The following HEMK1 variants were observed in gnomAD, a reference collection of about 807,000 sequenced individuals.
HEMK1 encodes MTRF1L release factor glutamine methyltransferase.
In HEMK1, 36 loss-of-function variants were observed where a neutral mutation model predicts 47.9. The observed-to-expected ratio is 0.75, with a 90% CI of 0.58 to 0.99. HEMK1 has a LOEUF of 0.99. Ranked by LOEUF, HEMK1 falls within the 50% of genes least tolerant of loss-of-function variation. The pLI is 0.00. For missense variants in HEMK1, 383 were observed against 434.5 expected (o/e 0.88, Z 1.05); for synonymous variants, 153 against 165.4 (o/e 0.93, Z 0.57).
rs574185453 is a variant in HEMK1 at position 50,577,447 on chromosome 3, C to T, written c.550-62C>T. 67 of 1,512,076 alleles carry T rather than the reference C, an allele frequency of 4.4e-5. No homozygotes were observed. The East Asian group carries it at 1.5e-3, about 33-fold the overall frequency. The allele number at this position is 1,512,076 out of a possible 1,614,324, so 93.7% of individuals were successfully genotyped here. A position where few individuals can be genotyped will look rare whatever the true frequency, so the allele number is the denominator to read the frequency against. On this transcript the variant is annotated intron_variant, in intron 5 of 10. Coordinates refer to ENST00000232854, the MANE Select transcript of HEMK1 (RefSeq NM_016173.5). ...GGGTTGGAGGAGGGTCCCCCAGGCC[C>T]AGTATCTTCCAGCATCTCTCAGCAT...
chr3:50,580,337 C>T (rs1445553278), intron 10 of HEMK1, 44 bp from the exon 11 acceptor site: 1 of 1,613,324 alleles, frequency 6.2e-7, no homozygotes, highest in African/African-American at 1.3e-5. Flanking sequence ...CTGTTCATTC[C>T]CTGAGGCCCA....
Position 50,592,614 on chromosome 3 carries a change from G to A in HEMK1, c.*12197G>A, listed in dbSNP as rs992885225. ...CCAAAAATTGACCCCTAGAGCCTGA[G>A]ACTCTGGATGGAGGATCTTCGTAGC... On this transcript the variant is annotated 3_prime_UTR_variant, in exon 11 of 11. Coordinates refer to ENST00000232854, the MANE Select transcript of HEMK1 (RefSeq NM_016173.5). 4 of 152,212 alleles carry A rather than the reference G, an allele frequency of 2.6e-5. No homozygotes were observed. The highest frequency in any genetic ancestry group is 4.4e-5 in the Non-Finnish European group (3 of 68,074). 9.4% of individuals were successfully genotyped at this position (152,212 alleles called of 1,614,324 possible).
At chr3:50,574,254 G>A (rs571108718) in intron 4 of HEMK1, among the ~76,000 whole-genome samples, 7 of 152,322 alleles carry the variant, frequency 4.6e-5, no homozygotes, top group East Asian at 1.9e-4. Context: ...TAGTCTTGCC[G>A]AAAGAGCCAC....
At chr3:50,570,728 A>T (rs1019377581) in intron 1 of HEMK1, 2 of 173,956 alleles carry the variant, frequency 1.1e-5, no homozygotes, top group African/African-American at 4.7e-5. Flanking sequence ...GCAGAGACTG[A>T]GCTATGGGCT....
Position 50,589,085 on chromosome 3 carries a change from C to T in HEMK1, c.*8668C>T, listed in dbSNP as rs1018826936. On this transcript the variant is annotated 3_prime_UTR_variant, in exon 11 of 11. Transcript: ENST00000232854. ...CAAGTGCAAATTCTTTCTTAGCATA[C>T]AGTCCATCAGGGCGAAGAGCAATGA... is the stretch of plus-strand genomic sequence containing the variant. 4.6e-5 allele frequency: 7 copies of T among 152,366 alleles called. No homozygotes were observed. The highest frequency in any genetic ancestry group is 2.6e-4 in the Admixed American group (4 of 15,306). The allele number at this position is 152,366 out of a possible 1,614,324, so 9.4% of individuals were successfully genotyped here.
rs1275985868 is a variant in HEMK1 at position 50,577,592 on chromosome 3, C to T, written c.614+19C>T. ...CTCAGAGGTAGGTGGGGGAGTTGCA[C>T]TTTGGGGCCTAATCTTGACTCCTTT... On this transcript the variant is annotated intron_variant, in intron 6 of 10. Coordinates refer to ENST00000232854, the MANE Select transcript of HEMK1 (RefSeq NM_016173.5). The T allele has an allele frequency of 6.2e-7, 1 of 1,609,072 alleles. No homozygotes were observed. The highest frequency in any genetic ancestry group is 1.1e-5 in the South Asian group (1 of 90,962).
rs1229851993 is a variant in HEMK1, at chr3:50,584,629, TCTC to T, written c.*4216_*4218del. ...GAGCCGAGGAATGCAGACAGCCTCTTCTCCTCTGGGGCCTCAAGAAGAATGCAG... is the reference window on the plus strand; with the variant it reads ...GAGCCGAGGAATGCAGACAGCCTCTTCTCTGGGGCCTCAAGAAGAATGCAG... On this transcript the variant is annotated 3_prime_UTR_variant, in exon 11 of 11. Coordinates refer to ENST00000232854, the MANE Select transcript of HEMK1 (RefSeq NM_016173.5). 1 of 152,114 alleles carries T rather than the reference TCTC, an allele frequency of 6.6e-6. No homozygotes were observed. Among genetic ancestry groups the T allele is most frequent in the Non-Finnish European group, 1.5e-5 (1 of 68,024 alleles). The allele number at this position is 152,114 out of a possible 1,614,324, so 9.4% of individuals were successfully genotyped here.
In HEMK1 at chr3:50,577,163, A is replaced by G. The variant is rs1701677111; in HGVS notation, c.526A>G (p.Ser176Gly). The change falls in exon 5 of 11, where the codon AGC becomes GGC. Residue 176 changes from serine (S) to glycine (G), a missense_variant. Transcript: ENST00000232854. ...CTGCGGATCAGGAGCCATCTCCCTC[A>G]GCCTGCTGAGCCAGCTCCCCCAGGT... The part of the protein sequence containing the change: ...VGCGSGAISL[S>G]LLSQLPQSRV... 2 of 1,611,164 alleles carry G rather than the reference A, an allele frequency of 1.2e-6. No individual in the cohort carries two copies. The highest frequency in any genetic ancestry group is 1.7e-6 in the Non-Finnish European group (2 of 1,179,274).
In HEMK1 at chr3:50,593,359, CAG is replaced by C. The variant is rs1246489618; in HGVS notation, c.*12943_*12944del. ...TAGGACCCTGACTGTGCACCTGACT[CAG>C]GGGCCCCGGAGAAGATTTGGTGGGC... On this transcript the variant is annotated 3_prime_UTR_variant, in exon 11 of 11. Transcript: ENST00000232854. 6.6e-6 allele frequency: 1 copy of C among 152,288 alleles called. No individual in the cohort carries two copies. The highest frequency in any genetic ancestry group is 2.1e-4 in the South Asian group (1 of 4,824). The allele number at this position is 152,288 out of a possible 1,614,324, so 9.4% of individuals were successfully genotyped here.
chr3:50,570,367 C>T (rs4450808), intron 1 of HEMK1: 145,983 of 152,322 alleles, frequency 0.96, 70,275 homozygotes, highest in Middle Eastern at 1. Context: ...GCTGATGTCC[C>T]GGATTATAGG....
chr3:50,577,709 G>A, intron 6 of HEMK1, 117 bp from the exon 7 acceptor site: 3 of 1,343,722 alleles, frequency 2.2e-6, no homozygotes, highest in Non-Finnish European at 3.2e-6. Flanking sequence ...GGTTCTGAAT[G>A]GGTAGTGGGC....
chr3:50,572,379 G>A (rs1169829000), intron 4 of HEMK1, among the ~76,000 whole-genome samples, 171 bp downstream of exon 4: 1 of 152,174 alleles, frequency 6.6e-6, no homozygotes, highest in African/African-American at 2.4e-5. Context: ...GAGGACAGAG[G>A]ATTCCTGTTG....
intron 8 of HEMK1, 97 bp from the exon 9 acceptor site, chr3:50,579,747 T>TG: frequency 8.0e-6 from 7 of 873,514 alleles, no homozygotes; most frequent in Non-Finnish European, 9.1e-6. Flanking sequence ...GAGTGTAAGT[T>TG]CCACAGGGCC....
chr3:50,578,721 A>G, intron 7 of HEMK1, 100 bp from the exon 8 acceptor site: 1 of 761,402 alleles, frequency 1.3e-6, no homozygotes, highest in Non-Finnish European at 2.2e-6. Context: ...GGCAGGCCCA[A>G]GGTGTGGCAT....
intron 4 of HEMK1, among the ~76,000 whole-genome samples, chr3:50,574,441 T>C (rs950193872): frequency 6.6e-6 from 1 of 152,208 alleles, no homozygotes. Flanking sequence ...GTTTCTTAGC[T>C]TCTTACCCTC....
chr3:50,573,609 C>A (rs936127184), intron 4 of HEMK1, among the ~76,000 whole-genome samples: 1 of 151,576 alleles, frequency 6.6e-6, no homozygotes, highest in Admixed American at 6.6e-5. Flanking sequence ...GGAGATGCTG[C>A]GATTGGGAGG....
rs549162120 is a variant in HEMK1 at position 50,585,738 on chromosome 3, G to C, written c.*5321G>C. The C allele has an allele frequency of 1.8e-4, 27 of 152,344 alleles. No homozygotes were observed. Among genetic ancestry groups the C allele is most frequent in the African/African-American group, 5.8e-4 (24 of 41,576 alleles). 9.4% of individuals were successfully genotyped at this position (152,344 alleles called of 1,614,324 possible). A position where few individuals can be genotyped will look rare whatever the true frequency, so the allele number is the denominator to read the frequency against. ...CCTGGATACGCTTTGGATGAAGCCA[G>C]GAGGGCCTGTTTATACTGGAAGGGG... On this transcript the variant is annotated 3_prime_UTR_variant, in exon 11 of 11. Coordinates refer to ENST00000232854, the MANE Select transcript of HEMK1 (RefSeq NM_016173.5).
At chr3:50,569,286 A>G, upstream of HEMK1, 1 of 152,396 alleles carries the variant, frequency 6.6e-6, no homozygotes, top group South Asian at 2.1e-4. Flanking sequence ...CCGGGCCCCC[A>G]AGGGTCAACC....
chr3:50,571,557 G>C, intron 2 of HEMK1, 153 bp from the exon 3 acceptor site: 1 of 778,988 alleles, frequency 1.3e-6, no homozygotes, highest in Admixed American at 2.1e-5. Flanking sequence ...TGTTAGCTGT[G>C]TAACCTTAGG....
Sources: allele counts gnomAD v4.1 joint callset (sites outside exome capture counted in the v4.1 genomes callset), GRCh38; gene constraint gnomAD v4.1.1; transcripts MANE v1.5; gene names NCBI Gene and HGNC (gene_info 2026-07-23, HGNC 2026-07-21).